The following PRH1 variants were observed in gnomAD, a reference collection of about 807,000 sequenced individuals.
The protein encoded by PRH1 is salivary acidic proline-rich phosphoprotein 1/2.
In PRH1, 7 loss-of-function variants were observed where a neutral mutation model predicts 7.9. The ratio of observed to expected loss-of-function variants is 0.89; its 90% CI spans 0.50 to 1.67. The LOEUF (loss-of-function observed/expected upper bound fraction) is 1.67. Among genes scored for constraint, PRH1 ranks in the 40% most tolerant of loss-of-function variants. The probability of loss-of-function intolerance (pLI) is 0.00; values close to 1 mark genes in which losing one functional copy is unlikely to be tolerated. For missense variants in PRH1, 109 were observed against 223.6 expected (o/e 0.49, Z 3.27); for synonymous variants, 45 against 80.8 (o/e 0.56, Z 2.38).
chr12:10,926,923 C>T (rs868743731), intron 2 of PRH1, among the ~76,000 whole-genome samples: 6 of 152,298 alleles, frequency 3.9e-5, no homozygotes, highest in Middle Eastern at 3.4e-3. Flanking sequence ...GTGTTGTTGA[C>T]GGCTGCCACC....
intron 2 of PRH1, chr12:10,964,572 C>T: frequency 2.9e-6 from 1 of 350,108 alleles, no homozygotes; most frequent in Non-Finnish European, 5.6e-6. Context: ...AGCATGAGGA[C>T]AGGTTCGTTC....
intron 1 of PRH1, among the ~76,000 whole-genome samples, chr12:11,068,094 G>C (rs961980154): frequency 2.0e-5 from 3 of 151,694 alleles, no homozygotes; most frequent in African/African-American, 7.3e-5. Context: ...AACAGTAAGA[G>C]AAAAAATTAT....
At chr12:11,152,174 A>G (rs923099007) in intron 1 of PRH1, among the ~76,000 whole-genome samples, 2 of 150,984 alleles carry the variant, frequency 1.3e-5, no homozygotes, top group African/African-American at 4.9e-5. Context: ...GTTGGTGTGC[A>G]GCACCCATTA....
At chr12:11,068,505 A>G (rs1943919977) in intron 1 of PRH1, among the ~76,000 whole-genome samples, 1 of 152,188 alleles carries the variant, frequency 6.6e-6, no homozygotes, top group East Asian at 1.9e-4. Flanking sequence ...GTATGCCACA[A>G]TTTGTTTATC....
chr12:10,996,122 C>T (rs1940216899), intron 1 of PRH1, among the ~76,000 whole-genome samples: 1 of 151,544 alleles, frequency 6.6e-6, no homozygotes, highest in South Asian at 2.1e-4. Context: ...TCGAGACCAG[C>T]CTGGCCAGCA....
At chr12:11,065,379 C>T (rs967530579) in intron 1 of PRH1, among the ~76,000 whole-genome samples, 4 of 140,980 alleles carry the variant, frequency 2.8e-5, no homozygotes, top group Non-Finnish European at 4.7e-5. Context: ...GAAAAATCTC[C>T]ACAATGCTTC....
At chr12:10,977,923 G>A (rs867115235) in intron 1 of PRH1, among the ~76,000 whole-genome samples, 4 of 152,010 alleles carry the variant, frequency 2.6e-5, no homozygotes, top group African/African-American at 7.3e-5. Flanking sequence ...ACAGACAAGT[G>A]GAAAAAGATT....
chr12:11,038,016 T>A (rs1942515276), intron 1 of PRH1, among the ~76,000 whole-genome samples: 2 of 152,380 alleles, frequency 1.3e-5, no homozygotes, highest in African/African-American at 4.8e-5. Flanking sequence ...CACTCCAGCC[T>A]GGGCAACAGA....
At chr12:10,953,733 C>G (rs1044654866) in intron 2 of PRH1, among the ~76,000 whole-genome samples, 15 of 152,236 alleles carry the variant, frequency 9.9e-5, no homozygotes, top group African/African-American at 3.6e-4. Flanking sequence ...GTTAGAGAGG[C>G]CAGCATTCAA....
chr12:10,986,785 A>G (rs1199797021), intron 1 of PRH1: 9 of 1,587,552 alleles, frequency 5.7e-6, no homozygotes, highest in Admixed American at 2.0e-5. Flanking sequence ...AGTGCTATGA[A>G]GCCATTGGCA....
intron 1 of PRH1, among the ~76,000 whole-genome samples, chr12:11,121,862 T>C (rs900711013): frequency 6.6e-6 from 1 of 152,174 alleles, no homozygotes; most frequent in African/African-American, 2.4e-5. Flanking sequence ...AAATTAGATG[T>C]TCAAACAATG....
intron 1 of PRH1, among the ~76,000 whole-genome samples, chr12:11,071,173 C>A (rs1199246433): frequency 6.6e-6 from 1 of 150,932 alleles, no homozygotes; most frequent in African/African-American, 2.4e-5. Context: ...ACCAAACACA[C>A]CCACCACAGA....
chr12:11,091,491 T>A (rs1490576882), intron 1 of PRH1: 3 of 1,365,130 alleles, frequency 2.2e-6, no homozygotes, highest in East Asian at 2.3e-5. Flanking sequence ...CAAACTGATA[T>A]CATTATGGAC....
chr12:11,077,475 C>T (rs1944330609), intron 1 of PRH1: 1 of 910,134 alleles, frequency 1.1e-6, no homozygotes, highest in Non-Finnish European at 1.6e-6. Flanking sequence ...CAAGTTTGTT[C>T]TGCTGTGTTC....
intron 1 of PRH1, among the ~76,000 whole-genome samples, chr12:11,115,695 T>G (rs1379469067): frequency 6.6e-6 from 1 of 151,988 alleles, no homozygotes; most frequent in Non-Finnish European, 1.5e-5. Context: ...TTACCAAGCA[T>G]CAACTCTGAC....
intron 2 of PRH1, among the ~76,000 whole-genome samples, chr12:10,917,680 T>C (rs920171122): frequency 2.0e-5 from 3 of 152,200 alleles, no homozygotes; most frequent in South Asian, 2.1e-4. Flanking sequence ...ATGTACACAT[T>C]ACAGTCCCCA....
intron 1 of PRH1, among the ~76,000 whole-genome samples, chr12:11,027,168 G>A (rs1458245551): frequency 8.5e-3 from 666 of 78,398 alleles, no homozygotes; most frequent in South Asian, 0.028. Context: ...GCAATGCAGA[G>A]GTGGGGGAAT....
At chr12:11,136,212 TTGAACTC>T (rs1261782248) in intron 1 of PRH1, among the ~76,000 whole-genome samples, 5 of 152,248 alleles carry the variant, frequency 3.3e-5, no homozygotes, top group Non-Finnish European at 7.3e-5. Flanking sequence ...CTGGCCTGCT[TTGAACTC>T]TGTGTAGGTG....
intron 2 of PRH1, among the ~76,000 whole-genome samples, chr12:10,929,555 G>T (rs1417020507): frequency 1.3e-5 from 2 of 152,224 alleles, no homozygotes; most frequent in East Asian, 3.9e-4. Context: ...ATTTGTACCG[G>T]GGGAGTGAGA....
Sources: gnomAD v4.1 joint callset for allele counts (sites outside exome capture counted in the v4.1 genomes callset) on GRCh38, gnomAD v4.1.1 for gene constraint, MANE v1.5 for transcripts, NCBI Gene and HGNC (gene_info 2026-07-23, HGNC 2026-07-21) for gene names.